The following SULT1C3 variants were observed in gnomAD, a reference collection of about 807,000 sequenced individuals.
The protein encoded by SULT1C3 is sulfotransferase 1C3.
Under a neutral mutation model 28.4 loss-of-function variants are expected in SULT1C3, and 31 were observed. The ratio of observed to expected loss-of-function variants is 1.09; its 90% CI spans 0.82 to 1.47. SULT1C3 has a LOEUF of 1.47. Ranked by LOEUF, SULT1C3 falls within the 40% of genes most tolerant of loss-of-function variation. The probability of loss-of-function intolerance (pLI) is 0.00; values close to 1 mark genes in which losing one functional copy is unlikely to be tolerated. For synonymous variants in SULT1C3, 106 were observed against 92.2 expected (o/e 1.15, Z -0.86); for missense variants, 307 against 272.5 (o/e 1.13, Z -0.89).
At chr2:108,250,128 C>G (rs1375329461) in intron 2 of SULT1C3, among the ~76,000 whole-genome samples, 1 of 151,448 alleles carries the variant, frequency 6.6e-6, no homozygotes, top group African/African-American at 2.4e-5. Flanking sequence ...CTTCTAAAGA[C>G]CCAGTTAAGA....
chr2:108,252,442 C>CTA lies in SULT1C3; in HGVS notation c.251_252dup (p.Asp85Ter). 1 of 1,612,498 alleles carries CTA rather than the reference C, an allele frequency of 6.2e-7. No individual in the cohort carries two copies. The highest frequency in any genetic ancestry group is 8.5e-7 in the Non-Finnish European group (1 of 1,179,102). The stretch of plus-strand genomic sequence containing the variant: ...GGAGAAATGCAAAAGAGCCCAGACT[C>CTA]TAGATAGACACGCTTTCCTTGAACT... On this transcript the variant is annotated frameshift_variant, in exon 3 of 8. Coordinates refer to ENST00000681802, the MANE Select transcript of SULT1C3 (RefSeq NM_001320878.2). LOFTEE classifies it high-confidence loss of function.
chr2:108,258,718 C>G lies in SULT1C3; in HGVS notation c.527-16C>G. ...GTCCCAGTACTGGGAACTAACAGTGCTCTGACTTCTTCCAGTTGTTGGCGG... is the reference window on the plus strand; with the variant it reads ...GTCCCAGTACTGGGAACTAACAGTGGTCTGACTTCTTCCAGTTGTTGGCGG... On this transcript the variant is annotated splice_polypyrimidine_tract_variant and intron_variant, in intron 5 of 7. Transcript: ENST00000681802. The G allele has an allele frequency of 1.9e-6, 3 of 1,605,446 alleles. No individual in the cohort carries two copies. Among genetic ancestry groups the G allele is most frequent in the Non-Finnish European group, 2.6e-6 (3 of 1,173,730 alleles).
chr2:108,258,492 G>GA (rs2104392181), intron 5 of SULT1C3, among the ~76,000 whole-genome samples: 1 of 152,200 alleles, frequency 6.6e-6, no homozygotes, highest in South Asian at 2.1e-4. Flanking sequence ...TTTTATTGCC[G>GA]AATGTTTTAA....
At chr2:108,265,010 A>G, downstream of SULT1C3, 3 of 1,604,850 alleles carry the variant, frequency 1.9e-6, no homozygotes, top group Non-Finnish European at 1.7e-6. Context: ...GGAAAGGTAG[A>G]TAAGCTTTGT....
chr2:108,255,273 A>C (rs1237048165), intron 4 of SULT1C3, among the ~76,000 whole-genome samples: 1 of 151,886 alleles, frequency 6.6e-6, no homozygotes, highest in African/African-American at 2.4e-5. Context: ...ATATCACATC[A>C]TATTCCATGA....
intron 1 of SULT1C3, among the ~76,000 whole-genome samples, chr2:108,245,744 A>ATTT (rs1014718781): frequency 2.0e-5 from 3 of 152,092 alleles, no homozygotes; most frequent in Non-Finnish European, 4.4e-5. Flanking sequence ...CCCTGGAGAC[A>ATTT]TTTTTCTCAT....
intron 7 of SULT1C3, among the ~76,000 whole-genome samples, chr2:108,259,878 T>C (rs1400175706): frequency 1.3e-5 from 2 of 152,148 alleles, no homozygotes. Context: ...CTCCTGGCTG[T>C]ATCAAAATTA....
At chr2:108,246,992 A>C (rs1675597280) in intron 1 of SULT1C3, among the ~76,000 whole-genome samples, 196 bp from the exon 2 acceptor site, 2 of 152,188 alleles carry the variant, frequency 1.3e-5, no homozygotes, top group South Asian at 4.1e-4. Flanking sequence ...AACAGAAAAA[A>C]CTATTACCTA....
At chr2:108,248,181 G>A (rs1017705629) in intron 2 of SULT1C3, among the ~76,000 whole-genome samples, 2 of 152,116 alleles carry the variant, frequency 1.3e-5, no homozygotes, top group Non-Finnish European at 2.9e-5. Context: ...AAGAACCAAC[G>A]TGAAGGGGCT....
At position 108,258,836 on chromosome 2, in the gene SULT1C3, G is replaced by A. The variant is rs371727641; in HGVS notation, c.621+8G>A. The A allele has an allele frequency of 1.0e-5, 16 of 1,603,876 alleles. No individual in the cohort carries two copies. The highest frequency in any genetic ancestry group is 1.3e-5 in the Non-Finnish European group (15 of 1,172,198). On this transcript the variant is annotated splice_region_variant and intron_variant, in intron 6 of 7. Transcript: ENST00000681802. ...TACGAGGATATTAAAAAAGTAAGTG[G>A]CACTGAGACTTATAGGTCAGACCCA...
chr2:108,259,100 AC>A lies in SULT1C3; in HGVS notation c.758del (p.Pro253LeufsTer13), dbSNP rs1156514713. ...ATCCCATGGCCAACCATACTGCGGT[AC>A]CTGCTCACATATTCAATCACTCCAT... ...DNPMANHTAV[P>X]AHIFNHSISK... On this transcript the variant is annotated frameshift_variant, in exon 7 of 8. Coordinates refer to ENST00000681802, the MANE Select transcript of SULT1C3 (RefSeq NM_001320878.2). LOFTEE classifies it low-confidence loss of function (END_TRUNC). 1 of 553,860 alleles carries A rather than the reference AC, an allele frequency of 1.8e-6. No individual in the cohort carries two copies. Among genetic ancestry groups the A allele is most frequent in the Non-Finnish European group, 3.3e-6 (1 of 301,544 alleles). The allele number at this position is 553,860 out of a possible 1,614,324, so 34.3% of individuals were successfully genotyped here.
chr2:108,249,644 C>T (rs968200605), intron 2 of SULT1C3, among the ~76,000 whole-genome samples: 4 of 152,022 alleles, frequency 2.6e-5, no homozygotes, highest in Non-Finnish European at 5.9e-5. Context: ...GAGGCATACC[C>T]TATCTACGGA....
At chr2:108,250,340 A>G (rs1164798134) in intron 2 of SULT1C3, among the ~76,000 whole-genome samples, 1 of 152,046 alleles carries the variant, frequency 6.6e-6, no homozygotes, top group Admixed American at 6.6e-5. Context: ...TTATCATGAG[A>G]AAATGTAAAT....
intron 5 of SULT1C3, 100 bp downstream of exon 5, chr2:108,255,798 T>C: frequency 7.1e-7 from 1 of 1,415,764 alleles, no homozygotes; most frequent in South Asian, 1.4e-5. Context: ...CCATCCTGAT[T>C]GAGGAGGTCC....
At chr2:108,254,245 C>T (rs1675805137) in intron 4 of SULT1C3, among the ~76,000 whole-genome samples, 1 of 152,010 alleles carries the variant, frequency 6.6e-6, no homozygotes, top group Admixed American at 6.6e-5. Flanking sequence ...ATCCTCACTA[C>T]AGTCCTCCTG....
At chr2:108,258,942 A>C (rs1488861981) in intron 6 of SULT1C3, 24 bp from the exon 7 acceptor site, 7 of 784,058 alleles carry the variant, frequency 8.9e-6, no homozygotes, top group African/African-American at 1.7e-5. Context: ...CCCTCTTCAC[A>C]ATGCCTTTTT....
downstream of SULT1C3, among the ~76,000 whole-genome samples, chr2:108,263,932 A>G (rs1041217462): frequency 4.6e-5 from 7 of 152,222 alleles, no homozygotes; most frequent in South Asian, 2.1e-4. Context: ...TGTAAGCCAG[A>G]TATCTTTATC....
At chr2:108,261,865 G>C (rs138963831), downstream of SULT1C3, among the ~76,000 whole-genome samples, 8 of 152,194 alleles carry the variant, frequency 5.3e-5, no homozygotes, top group Non-Finnish European at 2.9e-5. Flanking sequence ...CTATTCTCTA[G>C]TCAACTGGAT....
intron 4 of SULT1C3, among the ~76,000 whole-genome samples, chr2:108,254,737 A>G (rs531402031): frequency 6.6e-6 from 1 of 150,534 alleles, no homozygotes; most frequent in Admixed American, 6.7e-5. Context: ...GTATATATGT[A>G]TGTATGCATA....
Sources: allele counts gnomAD v4.1 joint callset (sites outside exome capture counted in the v4.1 genomes callset), GRCh38; gene constraint gnomAD v4.1.1; transcripts MANE v1.5; gene names NCBI Gene and HGNC (gene_info 2026-07-23, HGNC 2026-07-21).